C8orf34: variants seen among roughly 807,000 people sequenced by gnomAD.
C8orf34 encodes uncharacterized protein C8orf34.
C8orf34 carries 65 observed loss-of-function variants against 68.3 expected under a neutral mutation model. The ratio of observed to expected loss-of-function variants is 0.95; its 90% CI spans 0.78 to 1.17. The LOEUF is 1.17. Ranked by LOEUF, C8orf34 falls within the 50% of genes most tolerant of loss-of-function variation. C8orf34 has a pLI of 0.00. For missense variants in C8orf34, 664 were observed against 655.4 expected (o/e 1.01, Z -0.14); for synonymous variants, 244 against 241.2 (o/e 1.01, Z -0.11).
At chr8:68,449,258 A>G (rs1434144552) in intron 3 of C8orf34, among the ~76,000 whole-genome samples, 1 of 152,164 alleles carries the variant, frequency 6.6e-6, no homozygotes, top group Non-Finnish European at 1.5e-5. Flanking sequence ...ATGGTTTATA[A>G]CAAATCACGC....
intron 7 of C8orf34, among the ~76,000 whole-genome samples, chr8:68,624,266 T>A (rs1364616715): frequency 6.8e-6 from 1 of 146,322 alleles, no homozygotes; most frequent in Non-Finnish European, 1.5e-5. Context: ...AGGGAGGCTC[T>A]GTCTCAAAAA....
intron 7 of C8orf34, among the ~76,000 whole-genome samples, chr8:68,622,539 G>A (rs1272246093): frequency 6.6e-6 from 1 of 152,196 alleles, no homozygotes; most frequent in Admixed American, 6.5e-5. Flanking sequence ...GTGGTAGGTC[G>A]ATGGTATGGC....
At chr8:68,511,705 A>C (rs1179898332) in intron 5 of C8orf34, among the ~76,000 whole-genome samples, 1 of 152,230 alleles carries the variant, frequency 6.6e-6, no homozygotes, top group Non-Finnish European at 1.5e-5. Context: ...CACTAAATTT[A>C]ACAATGCCAT....
chr8:68,590,923 G>A (rs1239158047), intron 7 of C8orf34, among the ~76,000 whole-genome samples: 1 of 152,142 alleles, frequency 6.6e-6, no homozygotes. Context: ...TATATCGTGG[G>A]GGAGCTCTCC....
At chr8:68,481,019 A>G (rs1198342072) in intron 4 of C8orf34, among the ~76,000 whole-genome samples, 1 of 152,202 alleles carries the variant, frequency 6.6e-6, no homozygotes, top group Non-Finnish European at 1.5e-5. Flanking sequence ...TCTCCAGGCT[A>G]TGTCAGAGAC....
chr8:68,634,057 T>A (rs1318241521), intron 7 of C8orf34, among the ~76,000 whole-genome samples: 4 of 152,166 alleles, frequency 2.6e-5, no homozygotes, highest in Admixed American at 6.5e-5. Flanking sequence ...CAATCACTTA[T>A]ATACTGAATC....
At position 68,787,457 on chromosome 8, in the gene C8orf34, G is replaced by A; in HGVS notation, c.1470G>A (p.Lys490=). ...KNYMEEDESL[K]QLQVVHQPWI... Reference sequence around the variant, plus strand: ...TTCTTTTGCAGGATGAATCCTTAAAGCAATTGCAGGTAGTTCATCAACCAT... The same window carrying A: ...TTCTTTTGCAGGATGAATCCTTAAAACAATTGCAGGTAGTTCATCAACCAT... The change falls in exon 12 of 14, where the codon AAG becomes AAA. Residue 490 remains lysine, a synonymous_variant. Coordinates refer to ENST00000518698, the MANE Select transcript of C8orf34 (RefSeq NM_052958.4). The A allele has an allele frequency of 6.2e-7, 1 of 1,611,000 alleles. No individual in the cohort carries two copies. The highest frequency in any genetic ancestry group is 8.5e-7 in the Non-Finnish European group (1 of 1,178,070).
chr8:68,384,479 A>G (rs1488529399), intron 1 of C8orf34, among the ~76,000 whole-genome samples: 1 of 152,250 alleles, frequency 6.6e-6, no homozygotes, highest in Non-Finnish European at 1.5e-5. Context: ...TACTTGTTAA[A>G]TAAAAGAAGA....
At chr8:68,461,144 G>T (rs1284873426) in intron 3 of C8orf34, among the ~76,000 whole-genome samples, 1 of 152,222 alleles carries the variant, frequency 6.6e-6, no homozygotes, top group Non-Finnish European at 1.5e-5. Context: ...CGTGAAGAAT[G>T]CAGAAGCCTC....
At chr8:68,738,447 A>C (rs985000051) in intron 10 of C8orf34, among the ~76,000 whole-genome samples, 2 of 152,044 alleles carry the variant, frequency 1.3e-5, no homozygotes, top group African/African-American at 4.8e-5. Context: ...AATAACAAAA[A>C]TCAGAGGAAG....
chr8:68,391,069 A>G (rs988438862), intron 1 of C8orf34, among the ~76,000 whole-genome samples: 1 of 152,162 alleles, frequency 6.6e-6, no homozygotes, highest in Non-Finnish European at 1.5e-5. Context: ...TTAGTGTTTG[A>G]TTAAATAACT....
intron 10 of C8orf34, among the ~76,000 whole-genome samples, chr8:68,726,559 T>C (rs966465423): frequency 6.6e-6 from 1 of 152,206 alleles, no homozygotes; most frequent in Non-Finnish European, 1.5e-5. Context: ...GAGGTAAATT[T>C]GGTTATTTTT....
chr8:68,456,089 CAA>C (rs544998502), intron 3 of C8orf34, among the ~76,000 whole-genome samples: 25 of 118,638 alleles, frequency 2.1e-4, no homozygotes, highest in African/African-American at 1.9e-4. Context: ...ACTAAAAATC[CAA>C]AAAAAAAAAA....
At chr8:68,344,873 G>A (rs1180762751) in intron 1 of C8orf34, among the ~76,000 whole-genome samples, 3 of 152,008 alleles carry the variant, frequency 2.0e-5, no homozygotes, top group Non-Finnish European at 4.4e-5. Flanking sequence ...CTGTGATATT[G>A]ATAGAAAAAT....
chr8:68,610,754 T>G (rs1257734419), intron 7 of C8orf34, among the ~76,000 whole-genome samples: 1 of 151,908 alleles, frequency 6.6e-6, no homozygotes, highest in Non-Finnish European at 1.5e-5. Flanking sequence ...AATGAGGGAA[T>G]GTTAGTGTCA....
At chr8:68,721,253 TCAACACCCAA>T in intron 9 of C8orf34, 98 bp from the exon 10 acceptor site, 1 of 691,736 alleles carries the variant, frequency 1.4e-6, no homozygotes, top group Middle Eastern at 4.0e-4. Context: ...TATGATTTTT[TCAACACCCAA>T]TTCCATCATT....
At chr8:68,766,802 C>A (rs1304710300) in intron 10 of C8orf34, among the ~76,000 whole-genome samples, 1 of 152,042 alleles carries the variant, frequency 6.6e-6, no homozygotes, top group Non-Finnish European at 1.5e-5. Context: ...TCTTTTATTG[C>A]AAGATTAAAC....
intron 8 of C8orf34, among the ~76,000 whole-genome samples, chr8:68,654,236 G>T (rs142452618): frequency 6.6e-6 from 1 of 151,956 alleles, no homozygotes; most frequent in African/African-American, 2.4e-5. Context: ...CAAATCTGCC[G>T]CCACCTTGAT....
intron 6 of C8orf34, among the ~76,000 whole-genome samples, chr8:68,522,698 C>T (rs376881329): frequency 6.6e-5 from 10 of 151,994 alleles, no homozygotes; most frequent in South Asian, 2.1e-4. Context: ...CCAGTTGCAA[C>T]GAGTAAAACT....
Sources: allele counts gnomAD v4.1 joint callset (sites outside exome capture counted in the v4.1 genomes callset), GRCh38; gene constraint gnomAD v4.1.1; transcripts MANE v1.5; gene names NCBI Gene and HGNC (gene_info 2026-07-23, HGNC 2026-07-21).